Variants in VSNL1 observed in about 807,000 individuals in gnomAD.
VSNL1 encodes visinin-like protein 1.
VSNL1 carries 6 observed loss-of-function variants against 20.4 expected under a neutral mutation model. That is an observed-to-expected ratio of 0.29 (90% CI 0.16 to 0.58). VSNL1 has a LOEUF of 0.58. Among genes scored for constraint, VSNL1 ranks in the 20% least tolerant of loss-of-function variants. VSNL1 has a pLI of 0.90. For missense variants in VSNL1, 100 were observed against 234.5 expected (o/e 0.43, Z 3.75); for synonymous variants, 93 against 86.4 (o/e 1.08, Z -0.42).
intron 1 of VSNL1, among the ~76,000 whole-genome samples, chr2:17,574,168 T>C (rs2103358833): frequency 6.6e-6 from 1 of 152,256 alleles, no homozygotes; most frequent in Non-Finnish European, 1.5e-5. Context: ...GACCCGTAGG[T>C]TCTGGGTAAA....
intron 2 of VSNL1, among the ~76,000 whole-genome samples, chr2:17,647,279 C>T (rs1382644055): frequency 1.3e-5 from 2 of 152,178 alleles, no homozygotes; most frequent in Middle Eastern, 3.4e-3. Flanking sequence ...GAAACCTACA[C>T]GAATGGAGGT....
chr2:17,607,583 C>T (rs952981676), intron 2 of VSNL1, among the ~76,000 whole-genome samples: 3 of 152,182 alleles, frequency 2.0e-5, no homozygotes, highest in Admixed American at 2.0e-4. Flanking sequence ...CTAGAAATCA[C>T]GTGCAGCTGT....
intron 2 of VSNL1, among the ~76,000 whole-genome samples, chr2:17,600,927 T>A (rs968719294): frequency 6.6e-6 from 1 of 152,170 alleles, no homozygotes; most frequent in Non-Finnish European, 1.5e-5. Flanking sequence ...ATTATGGTGA[T>A]ATTGTCTCAG....
intron 1 of VSNL1, among the ~76,000 whole-genome samples, chr2:17,557,652 G>C (rs1399035672): frequency 6.6e-6 from 1 of 152,148 alleles, no homozygotes; most frequent in Non-Finnish European, 1.5e-5. Flanking sequence ...TGACAAAGGA[G>C]GCTTATTACT....
At chr2:17,623,697 A>G (rs1665439130) in intron 2 of VSNL1, among the ~76,000 whole-genome samples, 1 of 149,914 alleles carries the variant, frequency 6.7e-6, no homozygotes, top group South Asian at 2.1e-4. Context: ...AAAAAATCAG[A>G]GCAACCCCTA....
chr2:17,565,376 C>T (rs1360088859), intron 1 of VSNL1, among the ~76,000 whole-genome samples: 1 of 152,038 alleles, frequency 6.6e-6, no homozygotes, highest in Non-Finnish European at 1.5e-5. Flanking sequence ...TTTCTATTCT[C>T]AATCTCACTC....
At chr2:17,602,671 C>T (rs528275670) in intron 2 of VSNL1, among the ~76,000 whole-genome samples, 23 of 152,042 alleles carry the variant, frequency 1.5e-4, no homozygotes, top group African/African-American at 2.7e-4. Flanking sequence ...ACCTAGGAGG[C>T]GGCAGTTGCA....
rs561037399 is a variant in VSNL1, at chr2:17,655,066, A to G, written c.379-131A>G. The G allele has an allele frequency of 1.2e-5, 10 of 855,698 alleles. No homozygotes were observed. The South Asian group carries it at 1.4e-4, about 12-fold the overall frequency. 53.0% of individuals were successfully genotyped at this position (855,698 alleles called of 1,614,324 possible). On this transcript the variant is annotated intron_variant, in intron 3 of 3. Transcript: ENST00000295156. This position sits in a 1 kb window ranked among gnomAD's most constrained non-coding sequence, Gnocchi z 5.2. ...CAGAAACTTGCAGCACAAGGAGTGA[A>G]ACTCCTCTGGGGAAAGGGAAGCTGA...
intron 2 of VSNL1, among the ~76,000 whole-genome samples, chr2:17,624,793 C>T (rs1665468509): frequency 6.6e-6 from 1 of 152,124 alleles, no homozygotes; most frequent in Non-Finnish European, 1.5e-5. Context: ...CTTCCAACTC[C>T]CAGAACTATA....
chr2:17,609,233 A>G (rs986287171), intron 2 of VSNL1, among the ~76,000 whole-genome samples: 2 of 152,134 alleles, frequency 1.3e-5, no homozygotes, highest in Non-Finnish European at 2.9e-5. Context: ...GGCTCACCAC[A>G]GTGTCACATA....
intron 2 of VSNL1, among the ~76,000 whole-genome samples, chr2:17,623,886 A>C (rs545188648): frequency 3.3e-5 from 5 of 152,338 alleles, no homozygotes; most frequent in Non-Finnish European, 7.4e-5. Context: ...ATAAGGAAAC[A>C]GAAGTGACTG....
At chr2:17,563,315 A>T (rs1180290028) in intron 1 of VSNL1, among the ~76,000 whole-genome samples, 2 of 152,232 alleles carry the variant, frequency 1.3e-5, no homozygotes, top group Non-Finnish European at 2.9e-5. Context: ...GTGCTTCATT[A>T]TCCAGCAGAT....
intron 1 of VSNL1, among the ~76,000 whole-genome samples, chr2:17,548,804 A>G (rs963089440): frequency 1.3e-5 from 2 of 152,184 alleles, no homozygotes; most frequent in Non-Finnish European, 2.9e-5. Flanking sequence ...TAGCATGGTG[A>G]GCGCAGTCCT....
chr2:17,612,909 C>A (rs1383276382), intron 2 of VSNL1, among the ~76,000 whole-genome samples: 4 of 152,156 alleles, frequency 2.6e-5, no homozygotes, highest in Non-Finnish European at 5.9e-5. Flanking sequence ...TCTAGGGATA[C>A]AGAGATGAAT....
At chr2:17,607,910 T>C (rs906295533) in intron 2 of VSNL1, among the ~76,000 whole-genome samples, 4 of 152,246 alleles carry the variant, frequency 2.6e-5, no homozygotes, top group Non-Finnish European at 5.9e-5. Flanking sequence ...ATAAGTAATA[T>C]GCAACATAAC....
chr2:17,619,629 T>G (rs953601378), intron 2 of VSNL1, among the ~76,000 whole-genome samples: 2 of 152,092 alleles, frequency 1.3e-5, no homozygotes, highest in Non-Finnish European at 2.9e-5. Flanking sequence ...AGGCAGCTTC[T>G]AGGCAGGAAA....
At chr2:17,557,970 A>G (rs932024986) in intron 1 of VSNL1, among the ~76,000 whole-genome samples, 19 of 152,194 alleles carry the variant, frequency 1.2e-4, no homozygotes, top group African/African-American at 4.6e-4. Flanking sequence ...AGTCCATGAA[A>G]GAAGCAGAGG....
chr2:17,597,911 T>A (rs1359198513), intron 2 of VSNL1, among the ~76,000 whole-genome samples: 1 of 152,204 alleles, frequency 6.6e-6, no homozygotes, highest in Non-Finnish European at 1.5e-5. Flanking sequence ...AATATACTGG[T>A]GGAATTCCCT....
intron 2 of VSNL1, among the ~76,000 whole-genome samples, chr2:17,630,302 T>A (rs145599698): frequency 6.6e-6 from 1 of 152,296 alleles, no homozygotes; most frequent in African/African-American, 2.4e-5. Context: ...CCCTCTTGAG[T>A]CATTCCCTCA....
Sources: gnomAD v4.1 joint callset for allele counts (sites outside exome capture counted in the v4.1 genomes callset) on GRCh38, gnomAD v4.1.1 for gene constraint, Gnocchi (gnomAD v3.1) non-coding constraint, MANE v1.5 for transcripts, NCBI Gene and HGNC (gene_info 2026-07-23, HGNC 2026-07-21) for gene names.